ASH1L: variants seen among roughly 807,000 people sequenced by gnomAD.
The protein encoded by ASH1L is ASH1 like histone lysine methyltransferase, also known as histone-lysine N-methyltransferase ASH1L.
Under a neutral mutation model 269.0 loss-of-function variants are expected in ASH1L, and 23 were observed. That is an observed-to-expected ratio of 0.09 (90% CI 0.06 to 0.12). The LOEUF (loss-of-function observed/expected upper bound fraction) is 0.12. ASH1L is among the 10% of genes least tolerant of loss of function. The pLI is 1.00. For synonymous variants in ASH1L, 1,187 were observed against 1,253.5 expected (o/e 0.95, Z 1.12); for missense variants, 2,912 against 3,567.8 (o/e 0.82, Z 4.68).
chr1:155,371,035 T>C (rs902338653), intron 10 of ASH1L, 52 bp from the exon 11 acceptor site: 1 of 1,500,268 alleles, frequency 6.7e-7, no homozygotes. Flanking sequence ...CATACCTTGA[T>C]GCATCCATTT....
intron 15 of ASH1L, 58 bp downstream of exon 15, chr1:155,357,258 C>A: frequency 1.5e-6 from 2 of 1,327,080 alleles, no homozygotes; most frequent in African/African-American, 1.5e-5. Context: ...TAATTTTTTA[C>A]ACAGATAAGC....
intron 6 of ASH1L, among the ~76,000 whole-genome samples, chr1:155,409,529 A>G (rs1461461214): frequency 2.6e-5 from 4 of 152,230 alleles, no homozygotes; most frequent in Admixed American, 6.5e-5. Context: ...GTAATCAAAA[A>G]TGGCACCATC....
At chr1:155,386,561 ATT>A (rs59493935) in intron 7 of ASH1L, among the ~76,000 whole-genome samples, 13 of 146,918 alleles carry the variant, frequency 8.8e-5, no homozygotes, top group African/African-American at 7.7e-5. Flanking sequence ...AATTTTTTCT[ATT>A]TTTTTTTTTT....
chr1:155,554,075 C>T (rs182969337), intron 1 of ASH1L, among the ~76,000 whole-genome samples: 4 of 150,676 alleles, frequency 2.7e-5, no homozygotes, highest in Admixed American at 2.0e-4. Flanking sequence ...CCACTGCGCC[C>T]GGCCCGAGTT....
At chr1:155,430,259 A>T (rs1661502544) in intron 5 of ASH1L, among the ~76,000 whole-genome samples, 1 of 152,118 alleles carries the variant, frequency 6.6e-6, no homozygotes, top group Admixed American at 6.6e-5. Flanking sequence ...TACAGGTGTG[A>T]GCCACCTCAT....
intron 6 of ASH1L, among the ~76,000 whole-genome samples, chr1:155,405,251 G>C (rs1025023793): frequency 1.2e-4 from 18 of 151,852 alleles, no homozygotes; most frequent in East Asian, 7.7e-4. Context: ...GGGGCTGAGG[G>C]GGGGGCAGAT....
chr1:155,458,666 G>A (rs749505257), intron 4 of ASH1L, among the ~76,000 whole-genome samples: 28 of 152,106 alleles, frequency 1.8e-4, no homozygotes, highest in Non-Finnish European at 3.1e-4. Context: ...GCAGTGAGCC[G>A]AGATTGCACC....
At position 155,478,117 on chromosome 1, in the gene ASH1L, T is replaced by C. The variant is rs375740666; in HGVS notation, c.4753A>G (p.Ser1585Gly). The change falls in exon 3 of 28, where the codon AGC (serine) becomes GGC (glycine). Residue 1585 changes from serine to glycine, a missense_variant. Coordinates refer to ENST00000392403, the MANE Select transcript of ASH1L (RefSeq NM_018489.3). The surrounding 1 kb of genome is among the most constrained non-coding windows in gnomAD (Gnocchi z 4.6). ...LQIDCSESSP[S>G]LSLGGFTPNS... ...GGAGTGAATCCTCCAAGGGATAAGC[T>C]TGGAGAACTTTCTGAACAGTCAATC... 9 of 1,613,994 alleles carry C rather than the reference T, an allele frequency of 5.6e-6. No individual in the cohort carries two copies. The African/African-American group carries it at 8.0e-5, about 14-fold the overall frequency.
At chr1:155,391,629 G>C (rs151041879) in intron 7 of ASH1L, among the ~76,000 whole-genome samples, 271 of 152,244 alleles carry the variant, frequency 1.8e-3, no homozygotes, top group African/African-American at 6.1e-3. Context: ...ATACGTTACA[G>C]AGATTCTCAA....
In ASH1L at chr1:155,406,847, C is replaced by T. The variant is rs139733980; in HGVS notation, c.6008+8897G>A. Among the ~76,000 whole-genome samples, 16 of 152,126 alleles carry T rather than the reference C, an allele frequency of 1.1e-4. No homozygotes were observed. The East Asian group carries it at 2.1e-3, about 20-fold the overall frequency. On this transcript the variant is annotated intron_variant, in intron 6 of 27. Transcript: ENST00000392403. ...CAAAATATATCTACAATTTATATCACGGACAAAGGCAAATCTAATAGATAA... is the reference window on the plus strand; with the variant it reads ...CAAAATATATCTACAATTTATATCATGGACAAAGGCAAATCTAATAGATAA...
At chr1:155,527,787 C>T (rs1359188630) in intron 1 of ASH1L, among the ~76,000 whole-genome samples, 2 of 152,030 alleles carry the variant, frequency 1.3e-5, no homozygotes, top group African/African-American at 2.4e-5. Flanking sequence ...CTCAAGCAAT[C>T]CTCCGACCTC....
chr1:155,381,368 C>T (rs575285058), intron 7 of ASH1L, among the ~76,000 whole-genome samples: 2 of 150,358 alleles, frequency 1.3e-5, no homozygotes, highest in East Asian at 3.9e-4. Context: ...GGCTGGCCAA[C>T]ATAGTGAAAC....
At chr1:155,558,482 A>T (rs1434947569) in intron 1 of ASH1L, among the ~76,000 whole-genome samples, 1 of 152,112 alleles carries the variant, frequency 6.6e-6, no homozygotes, top group Non-Finnish European at 1.5e-5. Flanking sequence ...AAAAAAAAAA[A>T]TTTAAAAAGT....
chr1:155,465,762 TG>T (rs1664637973), intron 3 of ASH1L, among the ~76,000 whole-genome samples: 1 of 152,202 alleles, frequency 6.6e-6, no homozygotes, highest in Non-Finnish European at 1.5e-5. Context: ...GTAATAAAAA[TG>T]GCTACCATAG....
chr1:155,349,801 T>A (rs1199879768), intron 17 of ASH1L, among the ~76,000 whole-genome samples: 1 of 129,342 alleles, frequency 7.7e-6, no homozygotes, highest in African/African-American at 3.0e-5. Flanking sequence ...CACTGCAACC[T>A]CCACCTCCTG....
chr1:155,385,332 A>T (rs1323289786), intron 7 of ASH1L, among the ~76,000 whole-genome samples: 4 of 152,070 alleles, frequency 2.6e-5, no homozygotes, highest in Admixed American at 2.6e-4. Flanking sequence ...AACTCCAGCT[A>T]CTCGGGAGGC....
chr1:155,432,782 T>C (rs1041929460), intron 5 of ASH1L, among the ~76,000 whole-genome samples: 7 of 152,282 alleles, frequency 4.6e-5, no homozygotes, highest in Admixed American at 3.3e-4. Flanking sequence ...GTCATCCAGG[T>C]TGGAGTGCAG....
chr1:155,509,849 G>C (rs1668051897), intron 2 of ASH1L, among the ~76,000 whole-genome samples: 1 of 152,020 alleles, frequency 6.6e-6, no homozygotes, highest in African/African-American at 2.4e-5. Flanking sequence ...GTAGCCATTT[G>C]GAAAGAGATA....
chr1:155,439,773 C>A (rs2148622716), intron 4 of ASH1L, among the ~76,000 whole-genome samples: 1 of 151,894 alleles, frequency 6.6e-6, no homozygotes, highest in East Asian at 1.9e-4. Context: ...ATGGGTCATA[C>A]TTCTCCAAAG....
Sources: gnomAD v4.1 joint callset for allele counts (sites outside exome capture counted in the v4.1 genomes callset) on GRCh38, gnomAD v4.1.1 for gene constraint, Gnocchi (gnomAD v3.1) non-coding constraint, MANE v1.5 for transcripts, NCBI Gene and HGNC (gene_info 2026-07-23, HGNC 2026-07-21) for gene names.